NAV2: variants seen among roughly 807,000 people sequenced by gnomAD.
NAV2 encodes the protein neuron navigator 2, also known as helicase, APC down-regulated 1.
A neutral mutation model predicts 223.2 loss-of-function variants in NAV2; 54 were observed. The observed-to-expected ratio is 0.24, with a 90% CI of 0.19 to 0.30. NAV2 has a LOEUF of 0.30. Ranked by LOEUF, NAV2 falls within the 10% of genes least tolerant of loss-of-function variation. The pLI is 1.00. For synonymous variants in NAV2, 1,279 were observed against 1,239.3 expected (o/e 1.03, Z -0.67); for missense variants, 2,806 against 3,147.5 (o/e 0.89, Z 2.60).
chr11:20,068,561 T>C (rs2059197459), intron 22 of NAV2, among the ~76,000 whole-genome samples, 163 bp downstream of exon 22: 1 of 152,214 alleles, frequency 6.6e-6, no homozygotes, highest in South Asian at 2.1e-4. Flanking sequence ...GGACACTTAC[T>C]GGCTTTGTGA....
chr11:19,494,132 GA>G, intron 1 of NAV2, among the ~76,000 whole-genome samples: 1 of 152,340 alleles, frequency 6.6e-6, no homozygotes, highest in Middle Eastern at 3.4e-3. Flanking sequence ...GACTCTCCTG[GA>G]GAAGGAACAG....
chr11:19,983,030 G>A lies in NAV2; in HGVS notation c.2646-1095G>A, dbSNP rs192087008. On this transcript the variant is annotated intron_variant, in intron 10 of 37. Transcript: ENST00000349880. ...ACTTGATTTGAAATGTAAAATGCTT[G>A]CATTTTCAGATACCTTGCAGGGTGA... 2.1e-4 allele frequency among the ~76,000 whole-genome samples: 32 copies of A among 152,292 alleles called. 1 individual carries two copies. Among genetic ancestry groups the A allele is most frequent in the African/African-American group, 7.2e-4 (30 of 41,564 alleles).
chr11:19,967,266 C>A (rs1212807947), intron 10 of NAV2, among the ~76,000 whole-genome samples: 1 of 152,052 alleles, frequency 6.6e-6, no homozygotes, highest in African/African-American at 2.4e-5. Context: ...TTCCTTAGAG[C>A]TCTACAAAGC....
intron 24 of NAV2, 44 bp downstream of exon 24, chr11:20,078,148 C>A: frequency 7.3e-7 from 1 of 1,368,314 alleles, no homozygotes; most frequent in Non-Finnish European, 1.0e-6. Context: ...CCTGCCTGCC[C>A]TTAGGAGCCC....
chr11:19,667,178 A>T (rs2048436991), intron 1 of NAV2, among the ~76,000 whole-genome samples: 2 of 152,194 alleles, frequency 1.3e-5, no homozygotes, highest in Non-Finnish European at 2.9e-5. Flanking sequence ...TGCACAGAGG[A>T]TGTGCTTGTT....
chr11:19,772,936 T>C (rs2055836353), intron 1 of NAV2, among the ~76,000 whole-genome samples: 1 of 152,214 alleles, frequency 6.6e-6, no homozygotes, highest in Non-Finnish European at 1.5e-5. Flanking sequence ...ACAAATTAGT[T>C]TATCAGACAG....
intron 1 of NAV2, among the ~76,000 whole-genome samples, chr11:19,471,054 C>T (rs1026712259): frequency 1.3e-5 from 2 of 152,130 alleles, no homozygotes; most frequent in Non-Finnish European, 2.9e-5. Context: ...AATGAAGGAC[C>T]ATTTGGTGTC....
At chr11:19,493,959 G>A (rs753195730) in intron 1 of NAV2, among the ~76,000 whole-genome samples, 34 of 152,218 alleles carry the variant, frequency 2.2e-4, no homozygotes, top group Non-Finnish European at 4.7e-4. Context: ...AATCCTCTTA[G>A]CAGGAGAACT....
chr11:19,958,686 G>A (rs12799264), intron 10 of NAV2, among the ~76,000 whole-genome samples: 12,653 of 152,268 alleles, frequency 0.083, 605 homozygotes, highest in South Asian at 0.15. Flanking sequence ...AGCAGGGTTC[G>A]CTACCATATT....
At chr11:19,508,604 C>G (rs1473403988) in intron 1 of NAV2, among the ~76,000 whole-genome samples, 2 of 152,190 alleles carry the variant, frequency 1.3e-5, no homozygotes, top group Non-Finnish European at 2.9e-5. Flanking sequence ...GGGAAGCCTT[C>G]CCTGATTATC....
chr11:19,830,275 T>C lies in NAV2; in HGVS notation c.268-2209T>C, dbSNP rs537868128. On this transcript the variant is annotated intron_variant, in intron 1 of 37. Coordinates refer to ENST00000349880, the MANE Select transcript of NAV2 (RefSeq NM_145117.5). ...AAGATAAATTCTTTCACTGAGAACATAATAGAGGCATGAACCTAGAGTCAG... is the reference window on the plus strand; with the variant it reads ...AAGATAAATTCTTTCACTGAGAACACAATAGAGGCATGAACCTAGAGTCAG... Among the ~76,000 whole-genome samples the C allele has an allele frequency of 2.0e-5, 3 of 152,180 alleles. No individual in the cohort carries two copies. In the South Asian group the frequency reaches 6.2e-4, roughly 32 times the overall value.
Position 19,706,564 on chromosome 11 carries a change from T to C in NAV2, c.76-125920T>C, listed in dbSNP as rs572786445. On this transcript the variant is annotated intron_variant, in intron 1 of 37. Transcript: ENST00000360655. ...GGTTTCCCTACTAGATTGTGAGTTG[T>C]TTCTGTTTTTCAGTTTCGAGAAAGG... Among the ~76,000 whole-genome samples, 4 of 152,330 alleles carry C rather than the reference T, an allele frequency of 2.6e-5. No homozygotes were observed. In the South Asian group the frequency reaches 8.3e-4, roughly 32 times the overall value.
chr11:19,695,854 G>A (rs1185634495), intron 1 of NAV2, among the ~76,000 whole-genome samples: 1 of 148,260 alleles, frequency 6.7e-6, no homozygotes, highest in Non-Finnish European at 1.5e-5. Context: ...CAATGAGCTG[G>A]GATCACACCA....
At chr11:19,824,984 G>C (rs896566620) in intron 1 of NAV2, among the ~76,000 whole-genome samples, 10 of 152,050 alleles carry the variant, frequency 6.6e-5, no homozygotes, top group African/African-American at 2.2e-4. Context: ...ACCACGTACT[G>C]CTCAGTCTTA....
chr11:19,701,154 T>A (rs1032877817), intron 1 of NAV2, among the ~76,000 whole-genome samples: 1 of 152,036 alleles, frequency 6.6e-6, no homozygotes, highest in Non-Finnish European at 1.5e-5. Context: ...CGTGTTCCCC[T>A]TTTTCACCCC....
At chr11:20,075,584 G>A (rs532810585) in intron 22 of NAV2, among the ~76,000 whole-genome samples, 2 of 152,142 alleles carry the variant, frequency 1.3e-5, no homozygotes, top group Admixed American at 6.5e-5. Context: ...TGAGAGAGAA[G>A]CTAACTATTC....
At chr11:20,045,829 T>A (rs1366728483) in intron 14 of NAV2, among the ~76,000 whole-genome samples, 159 bp downstream of exon 14, 1 of 152,234 alleles carries the variant, frequency 6.6e-6, no homozygotes, top group Non-Finnish European at 1.5e-5. Context: ...CAGTTGACTA[T>A]TTTCCCATGT....
chr11:19,457,032 C>A (rs1355313469), intron 1 of NAV2, among the ~76,000 whole-genome samples: 1 of 152,176 alleles, frequency 6.6e-6, no homozygotes, highest in East Asian at 1.9e-4. Context: ...CCTATTAGAT[C>A]TTTTCATTTA....
At chr11:19,698,493 C>T (rs1268118134) in intron 1 of NAV2, among the ~76,000 whole-genome samples, 1 of 152,148 alleles carries the variant, frequency 6.6e-6, no homozygotes, top group Admixed American at 6.5e-5. Flanking sequence ...CCAAGGTCAC[C>T]CGGACTGTGA....
Sources: gnomAD v4.1 joint callset for allele counts (sites outside exome capture counted in the v4.1 genomes callset) on GRCh38, gnomAD v4.1.1 for gene constraint, MANE v1.5 for transcripts, NCBI Gene and HGNC (gene_info 2026-07-23, HGNC 2026-07-21) for gene names.